ANKRD44: variants seen among roughly 807,000 people sequenced by gnomAD.
ANKRD44 encodes the protein ankyrin repeat domain 44.
In ANKRD44, 35 loss-of-function variants were observed where a neutral mutation model predicts 116.0. The observed-to-expected ratio is 0.30, with a 90% confidence interval of 0.23 to 0.40. ANKRD44 has a LOEUF of 0.40. Among genes scored for constraint, ANKRD44 ranks in the 10% least tolerant of loss-of-function variants. The pLI, the probability that ANKRD44 is intolerant of heterozygous loss-of-function variation, is 1.00. For missense variants in ANKRD44, 1,014 were observed against 1,242.6 expected (o/e 0.82, Z 2.77); for synonymous variants, 435 against 461.8 (o/e 0.94, Z 0.74).
intron 1 of ANKRD44, among the ~76,000 whole-genome samples, chr2:197,283,547 G>C (rs1409459966): frequency 4.0e-5 from 6 of 151,860 alleles, no homozygotes; most frequent in African/African-American, 1.5e-4. Context: ...CTTTAATTAT[G>C]GTAAATATTT....
At chr2:197,194,603 T>C (rs758562253) in intron 1 of ANKRD44, among the ~76,000 whole-genome samples, 1 of 152,194 alleles carries the variant, frequency 6.6e-6, no homozygotes, top group Non-Finnish European at 1.5e-5. Context: ...ATGATCAGAA[T>C]TCAGCTTCAG....
chr2:197,081,515 G>A lies in ANKRD44; in HGVS notation c.1538+130C>T. ...AAGAATAGTTTCTTCCCCATTAAAGGCAAGCCCATATCACTTCCTCAAGAT... is the reference window on the plus strand; with the variant it reads ...AAGAATAGTTTCTTCCCCATTAAAGACAAGCCCATATCACTTCCTCAAGAT... On this transcript the variant is annotated intron_variant, in intron 15 of 27. Transcript: ENST00000282272. The A allele has an allele frequency of 4.0e-6, 3 of 751,358 alleles. No individual in the cohort carries two copies. The South Asian group carries it at 4.9e-5, about 12-fold the overall frequency. The allele number at this position is 751,358 out of a possible 1,614,324, so 46.5% of individuals were successfully genotyped here. A position where few individuals can be genotyped will look rare whatever the true frequency, so the allele number is the denominator to read the frequency against.
chr2:197,295,058 A>G (rs190709806), intron 1 of ANKRD44, among the ~76,000 whole-genome samples: 257 of 152,372 alleles, frequency 1.7e-3, no homozygotes, highest in African/African-American at 6.0e-3. Context: ...GAGTACAAAC[A>G]AAACTATTGT....
At chr2:197,106,394 G>A (rs533629706) in intron 9 of ANKRD44, among the ~76,000 whole-genome samples, 3 of 152,128 alleles carry the variant, frequency 2.0e-5, no homozygotes, top group Non-Finnish European at 2.9e-5. Flanking sequence ...GCAGTGAGCC[G>A]AGATCGCACC....
intron 1 of ANKRD44, among the ~76,000 whole-genome samples, chr2:197,221,585 C>T (rs1183694026): frequency 6.6e-6 from 1 of 152,164 alleles, no homozygotes; most frequent in Non-Finnish European, 1.5e-5. Context: ...GGAATAAAGT[C>T]CTTCCTAAAG....
At chr2:197,088,638 A>T in intron 12 of ANKRD44, 73 bp downstream of exon 12, 1 of 962,402 alleles carries the variant, frequency 1.0e-6, no homozygotes, top group Non-Finnish European at 1.5e-6. Flanking sequence ...CCTTTGATTC[A>T]CAGACAACTT....
chr2:197,160,938 A>C (rs1307177662), intron 2 of ANKRD44, among the ~76,000 whole-genome samples: 1 of 152,208 alleles, frequency 6.6e-6, no homozygotes, highest in Non-Finnish European at 1.5e-5. Flanking sequence ...TATCAATAGA[A>C]GCCCCTTCTT....
At chr2:197,256,430 TA>T (rs914668103) in intron 1 of ANKRD44, among the ~76,000 whole-genome samples, 14 of 152,224 alleles carry the variant, frequency 9.2e-5, no homozygotes, top group African/African-American at 3.4e-4. Context: ...AACGGCTTTA[TA>T]AAAAGTAAAT....
intron 18 of ANKRD44, among the ~76,000 whole-genome samples, chr2:197,010,802 C>T (rs1222349143): frequency 3.3e-5 from 5 of 152,170 alleles, no homozygotes; most frequent in Admixed American, 1.3e-4. Context: ...GAATAGACGC[C>T]GCTATGTGAG....
chr2:197,000,436 A>G lies in ANKRD44; in HGVS notation c.2502T>C (p.Cys834=), dbSNP rs1165658842. 6.2e-7 allele frequency: 1 copy of G among 1,614,030 alleles called. No individual in the cohort carries two copies. The highest frequency in any genetic ancestry group is 8.5e-7 in the Non-Finnish European group (1 of 1,179,898). The part of the protein sequence containing the change: ...LGAIDSSIVS[C]RDDKGRTPLH... ...TTACTTACCTGCCTTTGTCATCTCTACAACTGACGATACTGGAATCTATGG... is the reference window on the plus strand; with the variant it reads ...TTACTTACCTGCCTTTGTCATCTCTGCAACTGACGATACTGGAATCTATGG... The change falls in exon 23 of 28, where the codon TGT becomes TGC. Residue 834 remains cysteine, a synonymous_variant. Coordinates refer to ENST00000282272, the MANE Select transcript of ANKRD44 (RefSeq NM_001195144.2).
intron 1 of ANKRD44, among the ~76,000 whole-genome samples, chr2:197,187,567 C>G (rs574584801): frequency 6.6e-6 from 1 of 151,866 alleles, no homozygotes; most frequent in Non-Finnish European, 1.5e-5. Context: ...TAAAAGAGGT[C>G]GTAAGGGTGT....
chr2:197,050,969 CTT>C (rs11428405), intron 16 of ANKRD44, among the ~76,000 whole-genome samples: 17 of 134,866 alleles, frequency 1.3e-4, no homozygotes, highest in African/African-American at 1.4e-4. Context: ...GTCTCCCTTA[CTT>C]TTTTTTTTTT....
In ANKRD44 at chr2:197,203,149, C is replaced by T. The variant is rs2081131317; in HGVS notation, c.28-16043G>A. ...CACAGTCCCTCTTCAGGGAGGCTGT[C>T]CTATAGAAATAATGAGATATACAGA... On this transcript the variant is annotated intron_variant, in intron 1 of 27. Transcript: ENST00000282272. This position sits in a 1 kb window ranked among gnomAD's most constrained non-coding sequence, Gnocchi z 4.1. Among the ~76,000 whole-genome samples the T allele has an allele frequency of 6.6e-6, 1 of 152,004 alleles. No individual in the cohort carries two copies. Among genetic ancestry groups the T allele is most frequent in the Non-Finnish European group, 1.5e-5 (1 of 67,994 alleles).
At chr2:196,982,759 C>T (rs542350727), downstream of ANKRD44, among the ~76,000 whole-genome samples, 1 of 152,280 alleles carries the variant, frequency 6.6e-6, no homozygotes, top group South Asian at 2.1e-4. Context: ...TCTCTTGTCT[C>T]TCAACAGCAG....
intron 1 of ANKRD44, among the ~76,000 whole-genome samples, chr2:197,192,267 G>T (rs1432518630): frequency 2.0e-5 from 3 of 152,200 alleles, no homozygotes; most frequent in Non-Finnish European, 2.9e-5. Context: ...ACAGTCAATG[G>T]TAATAAGCCC....
chr2:197,147,127 A>T, intron 2 of ANKRD44, 22 bp from the exon 3 acceptor site: 1 of 1,611,050 alleles, frequency 6.2e-7, no homozygotes, highest in Non-Finnish European at 8.5e-7. Context: ...AACGTCAAAG[A>T]CATACAACAG....
chr2:197,022,556 T>C (rs1163191761), intron 17 of ANKRD44, among the ~76,000 whole-genome samples: 1 of 152,164 alleles, frequency 6.6e-6, no homozygotes, highest in Non-Finnish European at 1.5e-5. Context: ...ACCACTCTGC[T>C]CCAGCCACAG....
chr2:197,147,884 C>A (rs1444204772), intron 2 of ANKRD44: 1 of 455,928 alleles, frequency 2.2e-6, no homozygotes, highest in East Asian at 7.0e-5. Context: ...TTGATATTAT[C>A]TCTGTTTTAT....
chr2:197,053,615 C>T (rs771778174), intron 16 of ANKRD44, among the ~76,000 whole-genome samples: 2 of 152,144 alleles, frequency 1.3e-5, no homozygotes, highest in Non-Finnish European at 2.9e-5. Context: ...TCCCGAGTAG[C>T]TGGGATTACA....
Sources: allele counts gnomAD v4.1 joint callset (sites outside exome capture counted in the v4.1 genomes callset), GRCh38; gene constraint gnomAD v4.1.1; non-coding constraint Gnocchi (gnomAD v3.1); transcripts MANE v1.5; gene names NCBI Gene and HGNC (gene_info 2026-07-23, HGNC 2026-07-21).